The following CNGB3 variants were observed in gnomAD, a reference collection of about 807,000 sequenced individuals.
The protein encoded by CNGB3 is cyclic nucleotide gated channel subunit beta 3, also known as cyclic nucleotide-gated channel beta-3.
CNGB3 carries 86 observed loss-of-function variants against 92.8 expected under a neutral mutation model. The observed-to-expected ratio is 0.93, with a 90% CI of 0.78 to 1.11. CNGB3 has a LOEUF of 1.11. Among genes scored for constraint, CNGB3 ranks in the 50% least tolerant of loss-of-function variants. The probability of loss-of-function intolerance (pLI) is 0.00; values close to 1 mark genes in which losing one functional copy is unlikely to be tolerated. For synonymous variants in CNGB3, 333 were observed against 332.7 expected (o/e 1.00, Z -0.01); for missense variants, 1,026 against 956.8 (o/e 1.07, Z -0.95).
intron 6 of CNGB3, chr8:86,659,339 C>T (rs940924316): frequency 4.3e-6 from 5 of 1,172,182 alleles, no homozygotes; most frequent in Non-Finnish European, 6.4e-6. Flanking sequence ...CCTGCTGTAA[C>T]TGCTGGTTAG....
At chr8:86,734,036 TA>T (rs1162106638) in intron 2 of CNGB3, among the ~76,000 whole-genome samples, 1 of 152,010 alleles carries the variant, frequency 6.6e-6, no homozygotes, top group Admixed American at 6.6e-5. Context: ...CTCAGCTAAT[TA>T]AAAAAATTTG....
At chr8:86,641,091 TG>T (rs1481893155) in intron 10 of CNGB3, among the ~76,000 whole-genome samples, 1 of 151,910 alleles carries the variant, frequency 6.6e-6, no homozygotes, top group African/African-American at 2.4e-5. Context: ...AGTGAACTCT[TG>T]TCATCCTCAT....
At chr8:86,716,259 C>T (rs1260178593) in intron 3 of CNGB3, among the ~76,000 whole-genome samples, 2 of 152,078 alleles carry the variant, frequency 1.3e-5, no homozygotes, top group East Asian at 1.9e-4. Context: ...AATTGGTGTT[C>T]CTGGGGAAGA....
chr8:86,737,987 G>T (rs1249593863), intron 2 of CNGB3, among the ~76,000 whole-genome samples: 8 of 152,032 alleles, frequency 5.3e-5, no homozygotes, highest in Admixed American at 5.2e-4. Context: ...TCTTATTTTT[G>T]TTCCTTGAAG....
intron 10 of CNGB3, among the ~76,000 whole-genome samples, chr8:86,641,786 C>T (rs924163960): frequency 6.6e-6 from 1 of 151,876 alleles, no homozygotes; most frequent in African/African-American, 2.4e-5. Flanking sequence ...GGGAACTCAG[C>T]AATCACTGAA....
chr8:86,667,459 G>T (rs1044073648), intron 5 of CNGB3, among the ~76,000 whole-genome samples: 3 of 152,216 alleles, frequency 2.0e-5, no homozygotes, highest in Admixed American at 6.5e-5. Context: ...GAAGGACTTT[G>T]CACAGACATC....
chr8:86,700,352 G>A (rs911538623), intron 3 of CNGB3, among the ~76,000 whole-genome samples: 6 of 151,926 alleles, frequency 3.9e-5, no homozygotes, highest in East Asian at 1.9e-4. Context: ...TCAATTAAAC[G>A]TATGGAAATT....
intron 3 of CNGB3, among the ~76,000 whole-genome samples, chr8:86,688,325 A>G (rs907632287): frequency 6.6e-6 from 1 of 152,092 alleles, no homozygotes; most frequent in African/African-American, 2.4e-5. Context: ...AAAATGGACA[A>G]ATATTACCTG....
At chr8:86,721,436 G>A (rs1824969573) in intron 3 of CNGB3, among the ~76,000 whole-genome samples, 1 of 152,028 alleles carries the variant, frequency 6.6e-6, no homozygotes, top group South Asian at 2.1e-4. Context: ...GGGGGTGAAG[G>A]ATAAAAGTTT....
chr8:86,640,165 A>G (rs988107285), intron 10 of CNGB3, among the ~76,000 whole-genome samples: 1 of 152,004 alleles, frequency 6.6e-6, no homozygotes, highest in Admixed American at 6.6e-5. Flanking sequence ...CTTTGATGAT[A>G]TATTGGCCAA....
Position 86,668,167 on chromosome 8 carries a change from T to G in CNGB3, c.495A>C (p.Ala165=). 1 of 1,609,546 alleles carries G rather than the reference T, an allele frequency of 6.2e-7. No individual in the cohort carries two copies. The highest frequency in any genetic ancestry group is 8.5e-7 in the Non-Finnish European group (1 of 1,178,210). ...LSSPEASPQT[A]KPTAVPPVKE... ...TTACTGGTGGTACAGCCGTGGGCTTTGCTTCATAGGGAAAAAAAAAAAGAT... is the reference window on the plus strand; with the variant it reads ...TTACTGGTGGTACAGCCGTGGGCTTGGCTTCATAGGGAAAAAAAAAAAGAT... Residue 165 remains alanine, a splice_region_variant and synonymous_variant, in exon 5 of 18, where the codon GCA becomes GCC. Coordinates refer to ENST00000320005, the MANE Select transcript of CNGB3 (RefSeq NM_019098.5).
chr8:86,574,390 A>G lies in CNGB3; in HGVS notation c.*1414T>C, dbSNP rs1419340456. 1 of 152,234 alleles carries G rather than the reference A, an allele frequency of 6.6e-6. No homozygotes were observed. The highest frequency in any genetic ancestry group is 6.5e-5 in the Admixed American group (1 of 15,274). 9.4% of individuals were successfully genotyped at this position (152,234 alleles called of 1,614,324 possible). On this transcript the variant is annotated 3_prime_UTR_variant, in exon 18 of 18. Transcript: ENST00000320005. Reference sequence around the variant, plus strand: ...ACAAACTCCCATTTATCAAATAAATACTATTTAACAATTTGTCCATATTCC... The same window carrying G: ...ACAAACTCCCATTTATCAAATAAATGCTATTTAACAATTTGTCCATATTCC...
At chr8:86,670,571 C>A (rs1276157236) in intron 4 of CNGB3, among the ~76,000 whole-genome samples, 1 of 151,928 alleles carries the variant, frequency 6.6e-6, no homozygotes, top group African/African-American at 2.4e-5. Flanking sequence ...TCCTCTTATT[C>A]TTTTTCTTTT....
Position 86,643,823 on chromosome 8 carries a change from C to T in CNGB3, c.1106G>A (p.Cys369Tyr). 6.2e-7 allele frequency: 1 copy of T among 1,607,290 alleles called. No individual in the cohort carries two copies. Among genetic ancestry groups the T allele is most frequent in the Middle Eastern group, 1.7e-4 (1 of 6,036 alleles). The change falls in exon 10 of 18, where the codon TGT (cysteine) becomes TAT (tyrosine). Residue 369 changes from cysteine (C) to tyrosine (Y), a missense_variant. Physicochemically the swap from Cys to Tyr is radical, Grantham distance 194 (BLOSUM62 -2). Transcript: ENST00000320005. ...YLLFILHINA[C>Y]VYYWASNYEG... The stretch of plus-strand genomic sequence containing the variant: ...ATAGTTTGAAGCCCAGTAATAAACA[C>T]AGGCATTAATGTGCAGAATAAACAG...
At chr8:86,594,811 C>T (rs531562580) in intron 15 of CNGB3, among the ~76,000 whole-genome samples, 96 of 152,276 alleles carry the variant, frequency 6.3e-4, no homozygotes, top group African/African-American at 1.1e-3. Flanking sequence ...CTGGTTTAAG[C>T]GATTCTCCTG....
Position 86,670,990 on chromosome 8 carries a change from C to G in CNGB3, c.447G>C (p.Lys149Asn). 6.2e-7 allele frequency: 1 copy of G among 1,613,200 alleles called. No individual in the cohort carries two copies. The highest frequency in any genetic ancestry group is 1.1e-5 in the South Asian group (1 of 91,032). The change falls in exon 4 of 18, where the codon AAG becomes AAC. Residue 149 changes from lysine to asparagine, a missense_variant. By Grantham distance (94) the Lys-to-Asn change is moderately conservative. Transcript: ENST00000320005. Reference sequence around the variant, plus strand: ...GTGAGGAGAGATCTCCCTCTACCAACTTTTTCTTGTAGAGGGCTGTTCTTT... The same window carrying G: ...GTGAGGAGAGATCTCCCTCTACCAAGTTTTTCTTGTAGAGGGCTGTTCTTT... ...MRQRTALYKKKLVEGDLSSPE... is the reference protein window; with the variant it reads ...MRQRTALYKKNLVEGDLSSPE...
rs377397001 is a variant in CNGB3 at position 86,668,886 on chromosome 8, G to A, written c.494-718C>T. Among the ~76,000 whole-genome samples the A allele has an allele frequency of 3.7e-4, 56 of 152,224 alleles. 1 individual carries two copies. In the South Asian group the frequency reaches 0.011, roughly 31 times the overall value. On this transcript the variant is annotated intron_variant, in intron 4 of 17. Transcript: ENST00000320005. ...GTGTAAAAATTATCCAGGCATGGTG[G>A]TGCACGCCTGTAGTCCCAGCTCCTC...
intron 3 of CNGB3, among the ~76,000 whole-genome samples, chr8:86,689,208 C>CAAACAAGT (rs1824250112): frequency 6.6e-6 from 1 of 151,242 alleles, no homozygotes. Flanking sequence ...TATGGTCTAC[C>CAAACAAGT]CTTGAGAATG....
intron 13 of CNGB3, among the ~76,000 whole-genome samples, chr8:86,625,520 G>A (rs988868028): frequency 6.6e-6 from 1 of 151,962 alleles, no homozygotes; most frequent in Non-Finnish European, 1.5e-5. Context: ...GAAACAAAAA[G>A]CTTCTAAATT....
Sources: allele counts gnomAD v4.1 joint callset (sites outside exome capture counted in the v4.1 genomes callset), GRCh38; gene constraint gnomAD v4.1.1; transcripts MANE v1.5; gene names NCBI Gene and HGNC (gene_info 2026-07-23, HGNC 2026-07-21).